KIF1B: variants seen among roughly 807,000 people sequenced by gnomAD.
The protein encoded by KIF1B is kinesin-like protein KIF1B.
Under a neutral mutation model 241.9 loss-of-function variants are expected in KIF1B, and 76 were observed. That is an observed-to-expected ratio of 0.31 (90% CI 0.26 to 0.38). The LOEUF (loss-of-function observed/expected upper bound fraction) is 0.38. Ranked by LOEUF, KIF1B falls within the 10% of genes least tolerant of loss-of-function variation. KIF1B has a pLI of 1.00. For synonymous variants in KIF1B, 750 were observed against 796.7 expected (o/e 0.94, Z 0.99); for missense variants, 1,622 against 2,271.4 (o/e 0.71, Z 5.81).
intron 16 of KIF1B, among the ~76,000 whole-genome samples, 175 bp downstream of exon 16, chr1:10,291,336 G>C (rs1649985841): frequency 6.6e-6 from 1 of 152,170 alleles, no homozygotes. Context: ...GCTTTGAAAT[G>C]ACATCTACAT....
intron 22 of KIF1B, among the ~76,000 whole-genome samples, chr1:10,300,778 TCA>T (rs1650502467): frequency 6.6e-6 from 1 of 152,220 alleles, no homozygotes; most frequent in Non-Finnish European, 1.5e-5. Flanking sequence ...TTTATGAATG[TCA>T]TATTTATCAC....
rs781211572 is a variant in KIF1B, at chr1:10,267,476, C to A, written c.526C>A (p.Pro176Thr). Residue 176 changes from proline to threonine, a missense_variant, in exon 6 of 49, where the codon CCC becomes ACC. Physicochemically the swap from Pro to Thr is conservative, Grantham distance 38. This residue lies in a region of KIF1B where 156 missense variants were observed against 244.8 expected (regional missense o/e 0.64). Coordinates refer to ENST00000676179, the MANE Select transcript of KIF1B (RefSeq NM_001365951.3). The part of the protein sequence containing the change: ...LRVREHPLLG[P>T]YVEDLSKLAV... ...TGTGCGTGAACACCCACTTCTTGGA[C>A]CCTATGTGGAGGATCTGTCCAAGTT... is the stretch of plus-strand genomic sequence containing the variant. 1.9e-6 allele frequency: 3 copies of A among 1,614,142 alleles called. No homozygotes were observed. The highest frequency in any genetic ancestry group is 1.7e-6 in the Non-Finnish European group (2 of 1,180,010).
At chr1:10,289,312 A>T (rs1467668133) in intron 15 of KIF1B, among the ~76,000 whole-genome samples, 1 of 151,978 alleles carries the variant, frequency 6.6e-6, no homozygotes, top group Non-Finnish European at 1.5e-5. Context: ...CTTATCTCCT[A>T]CTGTATTCGT....
chr1:10,258,052 C>T (rs1215029283), intron 3 of KIF1B, among the ~76,000 whole-genome samples: 1 of 152,192 alleles, frequency 6.6e-6, no homozygotes, highest in African/African-American at 2.4e-5. Context: ...ATTGGAAATG[C>T]TGTTTCCTGA....
intron 44 of KIF1B, 132 bp downstream of exon 44, chr1:10,368,670 T>A (rs1391556333): frequency 3.9e-6 from 3 of 760,606 alleles, no homozygotes; most frequent in Non-Finnish European, 4.7e-6. Flanking sequence ...ATTTGAAAAT[T>A]TATGACATAC....
At chr1:10,301,521 G>A (rs1410106314) in intron 22 of KIF1B, among the ~76,000 whole-genome samples, 12 of 151,856 alleles carry the variant, frequency 7.9e-5, no homozygotes, top group Admixed American at 5.9e-4. Flanking sequence ...CAAAAATTAG[G>A]TAGGCGTGGT....
intron 1 of KIF1B, among the ~76,000 whole-genome samples, chr1:10,219,580 A>G (rs1192743279): frequency 6.7e-6 from 1 of 149,048 alleles, no homozygotes; most frequent in African/African-American, 2.5e-5. Context: ...AACATGGAGA[A>G]CCCCATCTCT....
At chr1:10,363,896 A>G (rs1388430712) in intron 41 of KIF1B, among the ~76,000 whole-genome samples, 4 of 152,196 alleles carry the variant, frequency 2.6e-5, no homozygotes, top group African/African-American at 9.7e-5. Flanking sequence ...CATTTTACAG[A>G]ATATACATGG....
chr1:10,232,061 C>A (rs1646990515), intron 1 of KIF1B, among the ~76,000 whole-genome samples, 189 bp from the exon 2 acceptor site: 1 of 151,998 alleles, frequency 6.6e-6, no homozygotes, highest in African/African-American at 2.4e-5. Context: ...TCAAAACCAA[C>A]ATAACAAGAC....
chr1:10,322,572 A>G (rs1231860233), intron 24 of KIF1B, among the ~76,000 whole-genome samples: 1 of 152,222 alleles, frequency 6.6e-6, no homozygotes, highest in African/African-American at 2.4e-5. Context: ...CTTCACTGCT[A>G]AGATTACAGT....
intron 1 of KIF1B, among the ~76,000 whole-genome samples, 198 bp from the exon 2 acceptor site, chr1:10,232,052 C>T (rs936945998): frequency 6.6e-6 from 1 of 151,844 alleles, no homozygotes; most frequent in Admixed American, 6.6e-5. Flanking sequence ...CCCTGGAGTT[C>T]AAAACCAACA....
At chr1:10,366,737 C>T (rs571636532) in intron 43 of KIF1B, among the ~76,000 whole-genome samples, 2 of 152,142 alleles carry the variant, frequency 1.3e-5, no homozygotes, top group Non-Finnish European at 2.9e-5. Flanking sequence ...CTTTGAGAGG[C>T]CGAGGCAGGT....
At chr1:10,280,651 C>T (rs1393811645) in intron 14 of KIF1B, among the ~76,000 whole-genome samples, 1 of 152,174 alleles carries the variant, frequency 6.6e-6, no homozygotes, top group Non-Finnish European at 1.5e-5. Context: ...GGCTTAAAGG[C>T]ACTATAATGT....
rs569809882 is a variant in KIF1B, at chr1:10,357,789, A to G, written c.4056-3140A>G. 1.4e-4 allele frequency among the ~76,000 whole-genome samples: 22 copies of G among 152,132 alleles called. No individual in the cohort carries two copies. In the South Asian group the frequency reaches 3.9e-3, roughly 27 times the overall value. On this transcript the variant is annotated intron_variant, in intron 38 of 48. Transcript: ENST00000676179. The stretch of plus-strand genomic sequence containing the variant: ...TTTGGGAGGCCGAGGCGGGTGGATC[A>G]CCTGAGGTCAGGAGTTCGAGACCAG...
At position 10,345,261 on chromosome 1, in the gene KIF1B, A is replaced by T. The variant is rs79968847; in HGVS notation, c.3689-584A>T. On this transcript the variant is annotated intron_variant, in intron 34 of 48. Transcript: ENST00000676179. The stretch of plus-strand genomic sequence containing the variant: ...AAATGATACCAGTAGTTGGTTTCCA[A>T]CTTTGTCCTCACATTGGTATCACCT... Among the ~76,000 whole-genome samples, 788 of 152,354 alleles carry T rather than the reference A, an allele frequency of 5.2e-3. 5 individuals are homozygous for T. The highest frequency in any genetic ancestry group is 0.018 in the African/African-American group (763 of 41,578).
At chr1:10,368,021 C>G (rs1638623695) in intron 43 of KIF1B, among the ~76,000 whole-genome samples, 1 of 152,108 alleles carries the variant, frequency 6.6e-6, no homozygotes, top group African/African-American at 2.4e-5. Context: ...GCCATCACAC[C>G]CAGCCAGAAC....
chr1:10,232,540 T>C (rs1428877922), intron 2 of KIF1B, 106 bp downstream of exon 2: 2 of 798,244 alleles, frequency 2.5e-6, no homozygotes, highest in Non-Finnish European at 4.3e-6. Context: ...GTTAACACTT[T>C]GAACTTTGCT....
chr1:10,370,544 A>G (rs1165362125), intron 44 of KIF1B, among the ~76,000 whole-genome samples: 1 of 151,570 alleles, frequency 6.6e-6, no homozygotes, highest in African/African-American at 2.4e-5. Flanking sequence ...AGCCTGGTAG[A>G]CATAGCAAGA....
chr1:10,292,763 C>T (rs998966931), intron 17 of KIF1B, among the ~76,000 whole-genome samples: 2 of 152,108 alleles, frequency 1.3e-5, no homozygotes, highest in Non-Finnish European at 2.9e-5. Flanking sequence ...TTTTCTTAAA[C>T]TAAGTTGCAA....
Sources: allele counts gnomAD v4.1 joint callset (sites outside exome capture counted in the v4.1 genomes callset), GRCh38; gene constraint gnomAD v4.1.1; regional missense constraint gnomAD v4.1.1; transcripts MANE v1.5; gene names NCBI Gene and HGNC (gene_info 2026-07-23, HGNC 2026-07-21).